ZNF804A: variants seen among roughly 807,000 people sequenced by gnomAD.
ZNF804A encodes the protein zinc finger protein 804A.
ZNF804A carries 2 observed loss-of-function variants against 16.5 expected under a neutral mutation model. That is an observed-to-expected ratio of 0.12 (90% CI 0.05 to 0.38). The LOEUF (loss-of-function observed/expected upper bound fraction) is 0.38. Among genes scored for constraint, ZNF804A ranks in the 10% least tolerant of loss-of-function variants. The pLI is 0.99. For synonymous variants in ZNF804A, 534 were observed against 489.6 expected (o/e 1.09, Z -1.20); for missense variants, 1,473 against 1,390.7 (o/e 1.06, Z -0.94).
rs182475668 is a variant in ZNF804A, at chr2:184,657,602, G to A, written c.111+58532G>A. On this transcript the variant is annotated intron_variant, in intron 1 of 3. Transcript: ENST00000302277. ...TTTCTTACAATGTATACAATTTGGT[G>A]TATGTCAAGAAACCTGAGTATATGC... Among the ~76,000 whole-genome samples the A allele has an allele frequency of 5.5e-4, 83 of 152,280 alleles. 2 individuals carry two copies. Among genetic ancestry groups the A allele is most frequent in the African/African-American group, 1.7e-3 (71 of 41,564 alleles).
chr2:184,654,380 G>A (rs1442311757), intron 1 of ZNF804A, among the ~76,000 whole-genome samples: 1 of 151,824 alleles, frequency 6.6e-6, no homozygotes, highest in Non-Finnish European at 1.5e-5. Context: ...TGGAAATAAG[G>A]GCAAAAAAAA....
Position 184,937,134 on chromosome 2 carries a change from A to ATAAG in ZNF804A, c.1739_1742dup (p.Arg581SerfsTer8). The ATAAG allele has an allele frequency of 6.2e-7, 1 of 1,603,832 alleles. No homozygotes were observed. Among genetic ancestry groups the ATAAG allele is most frequent in the Non-Finnish European group, 8.5e-7 (1 of 1,177,508 alleles). ...CACTCTAGATGAAAAATACAACAAA[A>ATAAG]TAAGGTTGAAAGAGACCCATGAATA... On this transcript the variant is annotated frameshift_variant, in exon 4 of 4. Coordinates refer to ENST00000302277, the MANE Select transcript of ZNF804A (RefSeq NM_194250.2). LOFTEE classifies it low-confidence loss of function (END_TRUNC).
At chr2:184,633,364 TTA>T (rs1202887703) in intron 1 of ZNF804A, among the ~76,000 whole-genome samples, 2 of 152,166 alleles carry the variant, frequency 1.3e-5, no homozygotes, top group Non-Finnish European at 2.9e-5. Flanking sequence ...TGGGATTTTT[TTA>T]AATAAAAAGT....
chr2:184,799,941 C>T (rs1339250468), intron 1 of ZNF804A, among the ~76,000 whole-genome samples: 1 of 151,962 alleles, frequency 6.6e-6, no homozygotes, highest in African/African-American at 2.4e-5. Flanking sequence ...TCTATGTGGT[C>T]CTGATGCTTT....
chr2:184,709,601 G>A (rs1693090192), intron 1 of ZNF804A, among the ~76,000 whole-genome samples: 1 of 151,396 alleles, frequency 6.6e-6, no homozygotes, highest in East Asian at 1.9e-4. Context: ...TGTAACTAAA[G>A]TATCAAAAAA....
intron 1 of ZNF804A, among the ~76,000 whole-genome samples, chr2:184,667,172 G>C (rs2105710005): frequency 6.6e-6 from 1 of 151,952 alleles, no homozygotes; most frequent in Non-Finnish European, 1.5e-5. Context: ...TTAAATAAAT[G>C]TTGCCTTTAA....
At chr2:184,803,938 C>A (rs1458051146) in intron 1 of ZNF804A, among the ~76,000 whole-genome samples, 1 of 152,130 alleles carries the variant, frequency 6.6e-6, no homozygotes, top group Non-Finnish European at 1.5e-5. Context: ...TCTCGGCTCA[C>A]TGCAACCTCC....
chr2:184,857,653 A>G (rs13386192), intron 1 of ZNF804A, among the ~76,000 whole-genome samples: 20,976 of 152,136 alleles, frequency 0.14, 1,558 homozygotes, highest in Middle Eastern at 0.24. Context: ...GTATTTACAC[A>G]CTACAATATT....
intron 1 of ZNF804A, among the ~76,000 whole-genome samples, chr2:184,635,790 C>A (rs1691685496): frequency 1.3e-5 from 2 of 152,052 alleles, no homozygotes; most frequent in South Asian, 2.1e-4. Context: ...TAAAAGACAG[C>A]AAGAGCTATA....
intron 1 of ZNF804A, among the ~76,000 whole-genome samples, chr2:184,717,228 C>T (rs1693229409): frequency 6.6e-6 from 1 of 152,150 alleles, no homozygotes; most frequent in Admixed American, 6.5e-5. Context: ...CCTTCTTGTG[C>T]AGCAACTGCC....
chr2:184,648,565 C>G (rs1235288573), intron 1 of ZNF804A, among the ~76,000 whole-genome samples: 3 of 151,928 alleles, frequency 2.0e-5, no homozygotes, highest in African/African-American at 7.3e-5. Context: ...GTGTTGAAAC[C>G]CATAGGCTCA....
chr2:184,825,528 A>G (rs1558973335), intron 1 of ZNF804A, among the ~76,000 whole-genome samples: 2 of 152,176 alleles, frequency 1.3e-5, no homozygotes, highest in South Asian at 2.1e-4. Context: ...GTATATGTAA[A>G]TGACAGATTG....
chr2:184,728,638 T>A (rs1574183515), intron 1 of ZNF804A, among the ~76,000 whole-genome samples: 1 of 151,932 alleles, frequency 6.6e-6, no homozygotes, highest in African/African-American at 2.4e-5. Context: ...TGTGGATAAC[T>A]GTTATAATTC....
intron 1 of ZNF804A, among the ~76,000 whole-genome samples, chr2:184,801,165 T>G (rs1184989485): frequency 4.6e-5 from 7 of 152,164 alleles, no homozygotes; most frequent in Non-Finnish European, 1.0e-4. Context: ...TAATTTCTGT[T>G]GACAATTGTC....
At chr2:184,763,871 T>C (rs553766621) in intron 1 of ZNF804A, among the ~76,000 whole-genome samples, 55 of 151,982 alleles carry the variant, frequency 3.6e-4, no homozygotes, top group African/African-American at 1.3e-3. Flanking sequence ...CTCGATCTCC[T>C]GACCTTGTGA....
intron 2 of ZNF804A, among the ~76,000 whole-genome samples, chr2:184,878,216 C>G (rs1684740876): frequency 6.6e-6 from 1 of 152,090 alleles, no homozygotes; most frequent in Admixed American, 6.6e-5. Context: ...GATTTGAGAC[C>G]TGGTAATCCT....
rs191472088 is a variant in ZNF804A at position 184,735,435 on chromosome 2, C to T, written c.112-130934C>T. On this transcript the variant is annotated intron_variant, in intron 1 of 3. Coordinates refer to ENST00000302277, the MANE Select transcript of ZNF804A (RefSeq NM_194250.2). ...GGGAGGGGAACATCACACACCGGGG[C>T]CTGTTTGGGGGTGGGGTGTTAGGGA... 2.0e-3 allele frequency among the ~76,000 whole-genome samples: 306 copies of T among 152,028 alleles called. 1 individual carries two copies. Among genetic ancestry groups the T allele is most frequent in the African/African-American group, 7.1e-3 (294 of 41,462 alleles).
intron 1 of ZNF804A, among the ~76,000 whole-genome samples, chr2:184,765,612 C>G (rs1048303240): frequency 1.3e-4 from 19 of 146,856 alleles, no homozygotes; most frequent in Non-Finnish European, 2.5e-4. Context: ...TGCACCCCCC[C>G]CCCTTAGAGT....
In ZNF804A at chr2:184,634,723, C is replaced by T. The variant is rs927214838; in HGVS notation, c.111+35653C>T. Among the ~76,000 whole-genome samples, 14 of 152,168 alleles carry T rather than the reference C, an allele frequency of 9.2e-5. No homozygotes were observed. In the South Asian group the frequency reaches 2.1e-3, roughly 23 times the overall value. On this transcript the variant is annotated intron_variant, in intron 1 of 3. Coordinates refer to ENST00000302277, the MANE Select transcript of ZNF804A (RefSeq NM_194250.2). ...TAAAAGGAGCATAGCCTTGCCATCACATTCATTTAAGTTAATAAAACCTGT... is the reference window on the plus strand; with the variant it reads ...TAAAAGGAGCATAGCCTTGCCATCATATTCATTTAAGTTAATAAAACCTGT...
Sources: gnomAD v4.1 joint callset for allele counts (sites outside exome capture counted in the v4.1 genomes callset) on GRCh38, gnomAD v4.1.1 for gene constraint, MANE v1.5 for transcripts, NCBI Gene and HGNC (gene_info 2026-07-23, HGNC 2026-07-21) for gene names.